PCBP3: variants seen among roughly 807,000 people sequenced by gnomAD.
PCBP3 encodes poly(rC) binding protein 3, also known as poly(rC)-binding protein 3.
In PCBP3, 25 loss-of-function variants were observed where a neutral mutation model predicts 52.7. The observed-to-expected ratio is 0.47, with a 90% CI of 0.35 to 0.66. The LOEUF (loss-of-function observed/expected upper bound fraction) is 0.66. Ranked by LOEUF, PCBP3 falls within the 30% of genes least tolerant of loss-of-function variation. The pLI, the probability that PCBP3 is intolerant of heterozygous loss-of-function variation, is 0.01. For synonymous variants in PCBP3, 162 were observed against 183.0 expected (o/e 0.89, Z 0.93); for missense variants, 391 against 490.3 (o/e 0.80, Z 1.91).
At chr21:45,938,254 G>A (rs551626337) in intron 16 of PCBP3, among the ~76,000 whole-genome samples, 3 of 151,876 alleles carry the variant, frequency 2.0e-5, no homozygotes, top group East Asian at 1.9e-4. Flanking sequence ...CAGACACCAC[G>A]CGCTCCAGCG....
At chr21:45,855,186 C>T (rs1569327360) in intron 5 of PCBP3, among the ~76,000 whole-genome samples, 1 of 152,210 alleles carries the variant, frequency 6.6e-6, no homozygotes, top group Non-Finnish European at 1.5e-5. Flanking sequence ...CGCTTTCCCA[C>T]AGCTGATCCT....
intron 1 of PCBP3, among the ~76,000 whole-genome samples, chr21:45,667,801 T>C (rs1425129687): frequency 6.6e-6 from 1 of 152,188 alleles, no homozygotes; most frequent in Non-Finnish European, 1.5e-5. Context: ...GAAATCTGAT[T>C]CTCCTTTCTT....
chr21:45,757,063 G>A (rs985229947), intron 4 of PCBP3, among the ~76,000 whole-genome samples: 3 of 152,222 alleles, frequency 2.0e-5, no homozygotes, highest in African/African-American at 4.8e-5. Context: ...GAAGTGTAGT[G>A]TCATATCTTA....
intron 1 of PCBP3, among the ~76,000 whole-genome samples, chr21:45,664,020 C>CTT (rs35607838): frequency 0.015 from 1,927 of 132,664 alleles, 35 homozygotes; most frequent in African/African-American, 0.048. Context: ...CTTTTTTTTT[C>CTT]TTTTTTTTTT....
chr21:45,781,160 A>G (rs973300960), intron 4 of PCBP3, among the ~76,000 whole-genome samples: 7 of 152,204 alleles, frequency 4.6e-5, no homozygotes, highest in African/African-American at 1.2e-4. Flanking sequence ...AGTCCAACCT[A>G]TATTCAGAAT....
chr21:45,802,338 C>G lies in PCBP3; in HGVS notation c.-126+46886C>G, dbSNP rs2092337913. 6.6e-6 allele frequency among the ~76,000 whole-genome samples: 1 copy of G among 152,162 alleles called. No homozygotes were observed. The highest frequency in any genetic ancestry group is 2.4e-5 in the African/African-American group (1 of 41,412). Reference sequence around the variant, plus strand: ...CTGTGTTCCTGAAGCGTCCTGTCTTCCATGGTCAGGATGCTCTTTCAAGAC... The same window carrying G: ...CTGTGTTCCTGAAGCGTCCTGTCTTGCATGGTCAGGATGCTCTTTCAAGAC... On this transcript the variant is annotated intron_variant, in intron 4 of 17. Transcript: ENST00000681687. The surrounding 1 kb of genome is among the most constrained non-coding windows in gnomAD (Gnocchi z 5.1).
In PCBP3 at chr21:45,941,691, G is replaced by T. The variant is rs776016142; in HGVS notation, c.1101G>T (p.Gly367=). The T allele has an allele frequency of 6.2e-7, 1 of 1,606,546 alleles. No homozygotes were observed. Among genetic ancestry groups the T allele is most frequent in the Non-Finnish European group, 8.5e-7 (1 of 1,176,568 alleles). ...CCAGGCTGACGTCCGAGGTCACCGG[G>T]ATGGGCACGCTGTAATCCTACCCAG... is the stretch of plus-strand genomic sequence containing the variant. ...INARLTSEVT[G]MGTL The change falls in exon 18 of 18, where the codon GGG becomes GGT. Residue 367 remains glycine, a synonymous_variant. Coordinates refer to ENST00000681687, the MANE Select transcript of PCBP3 (RefSeq NM_001384156.1).
At chr21:45,785,072 C>T (rs1282916425) in intron 4 of PCBP3, among the ~76,000 whole-genome samples, 8 of 151,606 alleles carry the variant, frequency 5.3e-5, no homozygotes, top group East Asian at 3.9e-4. Context: ...TCTGCCCTGT[C>T]GCCCCGTCCG....
At chr21:45,826,654 G>T (rs1011057630) in intron 4 of PCBP3, among the ~76,000 whole-genome samples, 1 of 152,172 alleles carries the variant, frequency 6.6e-6, no homozygotes, top group Non-Finnish European at 1.5e-5. Context: ...AGGCCAGCCA[G>T]CCACATACCT....
At position 45,796,056 on chromosome 21, in the gene PCBP3, C is replaced by T. The variant is rs556292893; in HGVS notation, c.-126+40604C>T. Among the ~76,000 whole-genome samples, 7 of 152,266 alleles carry T rather than the reference C, an allele frequency of 4.6e-5. No individual in the cohort carries two copies. The South Asian group carries it at 1.0e-3, about 23-fold the overall frequency. ...CCGTAATTGTGAGAGTGATTGAAAA[C>T]GCCAGTCAGAGGGCTGCACTCTCAC... On this transcript the variant is annotated intron_variant, in intron 4 of 17. Transcript: ENST00000681687.
chr21:45,648,052 A>G lies in PCBP3; in HGVS notation c.-279+4184A>G, dbSNP rs539551016. Among the ~76,000 whole-genome samples, 7 of 152,330 alleles carry G rather than the reference A, an allele frequency of 4.6e-5. No individual in the cohort carries two copies. In the East Asian group the frequency reaches 1.2e-3, roughly 25 times the overall value. On this transcript the variant is annotated intron_variant, in intron 1 of 17. Transcript: ENST00000681687. ...GATGGAAGGGTGCACTAGTCAAGGAATGTGGGAAGCCTTTGGAAAAGGCAA... is the reference window on the plus strand; with the variant it reads ...GATGGAAGGGTGCACTAGTCAAGGAGTGTGGGAAGCCTTTGGAAAAGGCAA...
At chr21:45,826,643 A>G (rs1255800787) in intron 4 of PCBP3, among the ~76,000 whole-genome samples, 1 of 152,192 alleles carries the variant, frequency 6.6e-6, no homozygotes, top group Non-Finnish European at 1.5e-5. Context: ...TGGGAAGAAG[A>G]AGGCCAGCCA....
chr21:45,770,737 C>G (rs982794722), intron 4 of PCBP3, among the ~76,000 whole-genome samples: 1 of 152,140 alleles, frequency 6.6e-6, no homozygotes, highest in Admixed American at 6.5e-5. Context: ...AGTTCTGGGT[C>G]CCCCCCAGCC....
At chr21:45,930,933 A>T (rs971498489) in intron 15 of PCBP3, 88 bp downstream of exon 15, 76 of 1,560,984 alleles carry the variant, frequency 4.9e-5, no homozygotes, top group Middle Eastern at 2.0e-4. Flanking sequence ...CTGCCGCTGC[A>T]GCAGTTTCCA....
intron 2 of PCBP3, among the ~76,000 whole-genome samples, chr21:45,686,352 T>G (rs554405444): frequency 1.3e-5 from 2 of 152,234 alleles, no homozygotes; most frequent in African/African-American, 4.8e-5. Context: ...CAAGAGTAGG[T>G]CTAAATTAGC....
At chr21:45,677,787 C>T (rs1194243553) in intron 2 of PCBP3, among the ~76,000 whole-genome samples, 1 of 152,152 alleles carries the variant, frequency 6.6e-6, no homozygotes, top group Non-Finnish European at 1.5e-5. Flanking sequence ...GTGCTCTATA[C>T]GGGAACAACA....
At chr21:45,832,905 G>A (rs1273102966) in intron 4 of PCBP3, among the ~76,000 whole-genome samples, 1 of 152,160 alleles carries the variant, frequency 6.6e-6, no homozygotes, top group East Asian at 1.9e-4. Flanking sequence ...GGCGAAGGAG[G>A]AACTTGCCAG....
chr21:45,742,285 G>A (rs962536819), intron 3 of PCBP3, among the ~76,000 whole-genome samples: 1 of 152,172 alleles, frequency 6.6e-6, no homozygotes, highest in Non-Finnish European at 1.5e-5. Context: ...TCTCAAAAGT[G>A]CAAGTTTGTA....
chr21:45,939,005 G>T (rs922145999), intron 16 of PCBP3, among the ~76,000 whole-genome samples: 5 of 152,216 alleles, frequency 3.3e-5, no homozygotes. Context: ...GCGTCTTACT[G>T]GTGTAAGGAC....
Sources: gnomAD v4.1 joint callset for allele counts (sites outside exome capture counted in the v4.1 genomes callset) on GRCh38, gnomAD v4.1.1 for gene constraint, Gnocchi (gnomAD v3.1) non-coding constraint, MANE v1.5 for transcripts, NCBI Gene and HGNC (gene_info 2026-07-23, HGNC 2026-07-21) for gene names.